Variants in NIPBL observed in about 807,000 individuals in gnomAD.
The protein encoded by NIPBL is nipped-B-like protein.
In NIPBL, 19 loss-of-function variants were observed where a neutral mutation model predicts 321.8. The ratio of observed to expected loss-of-function variants is 0.06; its 90% CI spans 0.04 to 0.09. NIPBL has a LOEUF of 0.09. Among genes scored for constraint, NIPBL ranks in the 10% least tolerant of loss-of-function variants. NIPBL has a pLI of 1.00. For synonymous variants in NIPBL, 1,106 were observed against 1,114.1 expected, an observed-to-expected ratio of 0.99 and a Z score of 0.14; for missense variants, 2,210 against 3,327.0, an observed-to-expected ratio of 0.66 and a Z score of 8.26.
At chr5:36,892,454 T>C (rs975740258) in intron 1 of NIPBL, among the ~76,000 whole-genome samples, 14 of 152,114 alleles carry the variant, frequency 9.2e-5, no homozygotes, top group African/African-American at 3.1e-4. Context: ...ACCCAAAGGA[T>C]TATAAATCAT....
chr5:37,014,377 T>C (rs1561159972), intron 21 of NIPBL, among the ~76,000 whole-genome samples: 1 of 152,142 alleles, frequency 6.6e-6, no homozygotes. Context: ...CTTTTTTTAT[T>C]TTCAATCCAT....
intron 44 of NIPBL, 24 bp downstream of exon 44, chr5:37,059,189 G>A (rs1342716485): frequency 6.2e-7 from 1 of 1,612,124 alleles, no homozygotes; most frequent in East Asian, 2.2e-5. Context: ...AGCAGTGAGA[G>A]AAAAAACTTC....
intron 1 of NIPBL, among the ~76,000 whole-genome samples, chr5:36,923,245 G>T (rs1434059197): frequency 6.6e-6 from 1 of 152,040 alleles, no homozygotes; most frequent in Admixed American, 6.6e-5. Flanking sequence ...GGTGGAGGTT[G>T]CAGTGAGCCG....
At chr5:36,880,845 G>GACCAGCT (rs1745449060) in intron 1 of NIPBL, among the ~76,000 whole-genome samples, 1 of 152,034 alleles carries the variant, frequency 6.6e-6, no homozygotes, top group South Asian at 2.1e-4. Context: ...TGAGAGAAGT[G>GACCAGCT]ACCAGCTTTC....
chr5:36,890,129 A>C (rs1371354402), intron 1 of NIPBL, among the ~76,000 whole-genome samples: 1 of 152,164 alleles, frequency 6.6e-6, no homozygotes, highest in Non-Finnish European at 1.5e-5. Context: ...ATTCTTTAAA[A>C]TGTTGCCCAG....
intron 1 of NIPBL, among the ~76,000 whole-genome samples, chr5:36,935,682 A>G (rs1005590950): frequency 3.3e-5 from 5 of 152,138 alleles, no homozygotes; most frequent in African/African-American, 1.2e-4. Flanking sequence ...ATAATACCAT[A>G]AAGCTGGTGA....
rs188913941 is a variant in NIPBL at position 37,061,422 on chromosome 5, C to T, written c.7860+404C>T. On this transcript the variant is annotated intron_variant, in intron 45 of 46. Coordinates refer to ENST00000282516, the MANE Select transcript of NIPBL (RefSeq NM_133433.4). ...GCTGCGTGAGGTGGCTCACACCTGTCATTCCAGTGCTTTGGGAGGCCATGG... is the reference window on the plus strand; with the variant it reads ...GCTGCGTGAGGTGGCTCACACCTGTTATTCCAGTGCTTTGGGAGGCCATGG... Among the ~76,000 whole-genome samples, 1,034 of 152,240 alleles carry T rather than the reference C, an allele frequency of 6.8e-3. 9 individuals carry two copies. The highest frequency in any genetic ancestry group is 0.023 in the African/African-American group (976 of 41,546).
chr5:36,884,146 CTT>C (rs1306967941), intron 1 of NIPBL, among the ~76,000 whole-genome samples: 1 of 152,056 alleles, frequency 6.6e-6, no homozygotes, highest in Non-Finnish European at 1.5e-5. Context: ...ACTATTTTCT[CTT>C]TCCCTTTTTT....
At chr5:36,922,304 T>C (rs1749008739) in intron 1 of NIPBL, among the ~76,000 whole-genome samples, 4 of 152,202 alleles carry the variant, frequency 2.6e-5, no homozygotes, top group African/African-American at 9.6e-5. Flanking sequence ...ATTGGATTTT[T>C]ATCATAATTT....
chr5:36,936,730 G>A (rs1302626370), intron 1 of NIPBL, among the ~76,000 whole-genome samples: 1 of 151,894 alleles, frequency 6.6e-6, no homozygotes, highest in Non-Finnish European at 1.5e-5. Context: ...AAGTAAGTCT[G>A]ATTGATTAAC....
At chr5:37,007,838 T>A (rs1382201438) in intron 18 of NIPBL, among the ~76,000 whole-genome samples, 170 bp from the exon 19 acceptor site, 5 of 152,028 alleles carry the variant, frequency 3.3e-5, no homozygotes, top group African/African-American at 1.2e-4. Flanking sequence ...TAACGTGCTT[T>A]GAGGATGAAG....
chr5:37,027,289 C>T, intron 31 of NIPBL, 70 bp from the exon 32 acceptor site: 1 of 1,176,060 alleles, frequency 8.5e-7, no homozygotes, highest in Non-Finnish European at 1.3e-6. Context: ...CAGGCTAAAG[C>T]ATAACAAAAG....
rs553494121 is a variant in NIPBL at position 37,007,208 on chromosome 5, C to T, written c.4088-115C>T. The T allele has an allele frequency of 3.2e-3, 2,633 of 821,950 alleles. 22 individuals are homozygous for T. Among genetic ancestry groups the T allele is most frequent in the Non-Finnish European group, 2.6e-3 (1,302 of 504,568 alleles). 50.9% of individuals were successfully genotyped at this position (821,950 alleles called of 1,614,324 possible). ...TTAATAAATAAAAAGCTTTATCTTCCAGGTTCTGTAGCTAGAAAATTGTGT... is the reference window on the plus strand; with the variant it reads ...TTAATAAATAAAAAGCTTTATCTTCTAGGTTCTGTAGCTAGAAAATTGTGT... On this transcript the variant is annotated intron_variant, in intron 17 of 46. Transcript: ENST00000282516.
At chr5:37,021,845 G>A (rs906102142) in intron 27 of NIPBL, among the ~76,000 whole-genome samples, 22 of 152,184 alleles carry the variant, frequency 1.4e-4, no homozygotes, top group African/African-American at 5.1e-4. Flanking sequence ...ATAAACGAAA[G>A]GCTCCAAAGT....
chr5:37,038,360 T>C (rs1751958134), intron 33 of NIPBL, among the ~76,000 whole-genome samples: 1 of 152,098 alleles, frequency 6.6e-6, no homozygotes. Flanking sequence ...CAATTTCCAT[T>C]AGTATAAAAC....
At chr5:36,907,022 A>G (rs139324186) in intron 1 of NIPBL, among the ~76,000 whole-genome samples, 4 of 152,282 alleles carry the variant, frequency 2.6e-5, no homozygotes, top group African/African-American at 9.6e-5. Flanking sequence ...TAGAATGTGG[A>G]TTCCGCTTCT....
At chr5:36,912,654 A>G (rs1748137008) in intron 1 of NIPBL, among the ~76,000 whole-genome samples, 1 of 151,958 alleles carries the variant, frequency 6.6e-6, no homozygotes, top group South Asian at 2.1e-4. Context: ...GGCATGTGCC[A>G]CCACTCCTGG....
At chr5:36,886,436 G>T (rs757516729) in intron 1 of NIPBL, 3 of 741,862 alleles carry the variant, frequency 4.0e-6, no homozygotes, top group Non-Finnish European at 4.9e-6. Context: ...ACCACCACCC[G>T]CTGGATAGTG....
At chr5:37,023,315 C>G (rs1749863946) in intron 29 of NIPBL, among the ~76,000 whole-genome samples, 1 of 152,062 alleles carries the variant, frequency 6.6e-6, no homozygotes. Flanking sequence ...AGTAAAATAT[C>G]CTAAAATATT....
Sources: allele counts gnomAD v4.1 joint callset (sites outside exome capture counted in the v4.1 genomes callset), GRCh38; gene constraint gnomAD v4.1.1; transcripts MANE v1.5; gene names NCBI Gene and HGNC (gene_info 2026-07-23, HGNC 2026-07-21).